The following RUNX1 variants were observed in gnomAD, a reference collection of about 807,000 sequenced individuals.
RUNX1 encodes runt-related transcription factor 1.
Under a neutral mutation model 42.8 loss-of-function variants are expected in RUNX1, and 19 were observed. That is an observed-to-expected ratio of 0.44 (90% CI 0.31 to 0.65). The LOEUF (loss-of-function observed/expected upper bound fraction) is 0.65, where lower values mean the gene tolerates loss of function less well. RUNX1 is among the 30% of genes least tolerant of loss of function. RUNX1 has a pLI of 0.07. For synonymous variants in RUNX1, 271 were observed against 289.4 expected, an observed-to-expected ratio of 0.94 and a Z score of 0.64; for missense variants, 528 against 672.0, an observed-to-expected ratio of 0.79 and a Z score of 2.37.
At chr21:35,014,117 C>T (rs1446453797) in intron 2 of RUNX1, among the ~76,000 whole-genome samples, 1 of 152,094 alleles carries the variant, frequency 6.6e-6, no homozygotes, top group Non-Finnish European at 1.5e-5. Flanking sequence ...TTTAAGGTTG[C>T]TCCAATGAAC....
chr21:34,988,497 C>T (rs2146818677), intron 2 of RUNX1, among the ~76,000 whole-genome samples: 1 of 152,302 alleles, frequency 6.6e-6, no homozygotes, highest in East Asian at 1.9e-4. Context: ...TCATCTAGTA[C>T]TTTCAAAAAC....
At position 35,004,107 on chromosome 21, in the gene RUNX1, C is replaced by G. The variant is rs545475481; in HGVS notation, c.58+44735G>C. 1.4e-4 allele frequency among the ~76,000 whole-genome samples: 21 copies of G among 152,320 alleles called. 1 individual carries two copies. The South Asian group carries it at 4.3e-3, about 32-fold the overall frequency. On this transcript the variant is annotated intron_variant, in intron 2 of 8. Coordinates refer to ENST00000675419, the MANE Select transcript of RUNX1 (RefSeq NM_001754.5). ...AAATAAAGGGATGAGAAAGCATTAG[C>G]TGTGTTCTAGACATGGTCCAGTCAA...
intron 2 of RUNX1, among the ~76,000 whole-genome samples, chr21:34,988,287 G>A (rs991764895): frequency 6.6e-6 from 1 of 152,162 alleles, no homozygotes; most frequent in Non-Finnish European, 1.5e-5. Context: ...CACAGCCGGG[G>A]GAAACATGGT....
At chr21:34,806,314 T>G (rs930802267) in intron 7 of RUNX1, among the ~76,000 whole-genome samples, 4 of 152,136 alleles carry the variant, frequency 2.6e-5, no homozygotes, top group Admixed American at 2.6e-4. Flanking sequence ...TAACACTGAT[T>G]GAAAGAAAGC....
chr21:34,800,212 C>T (rs949553305), intron 7 of RUNX1, among the ~76,000 whole-genome samples: 1 of 152,148 alleles, frequency 6.6e-6, no homozygotes, highest in Non-Finnish European at 1.5e-5. Context: ...AAAAGTCTGA[C>T]TTCAAAAGAT....
At chr21:35,026,245 C>G (rs1036149866) in intron 2 of RUNX1, among the ~76,000 whole-genome samples, 5 of 152,198 alleles carry the variant, frequency 3.3e-5, no homozygotes, top group Admixed American at 2.6e-4. Flanking sequence ...CTCGGGGGGT[C>G]AAATCTTTTG....
intron 7 of RUNX1, among the ~76,000 whole-genome samples, chr21:34,829,581 T>C (rs1218330808): frequency 6.6e-6 from 1 of 152,254 alleles, no homozygotes; most frequent in African/African-American, 2.4e-5. Context: ...AAGCTATTTT[T>C]AAATGAAATC....
chr21:34,870,726 G>A lies in RUNX1; in HGVS notation c.508+9831C>T, dbSNP rs1380248300. On this transcript the variant is annotated intron_variant, in intron 5 of 8. Transcript: ENST00000675419. ...TGTAATCCCAGCACTTTGGGAGGCC[G>A]AGGCAGGCAGATCACGAGGTCAAGA... Among the ~76,000 whole-genome samples the A allele has an allele frequency of 4.6e-5, 7 of 152,264 alleles. No homozygotes were observed. In the East Asian group the frequency reaches 7.7e-4, roughly 17 times the overall value.
intron 5 of RUNX1, among the ~76,000 whole-genome samples, chr21:34,880,136 ACT>A (rs1164586840): frequency 3.3e-5 from 5 of 152,168 alleles, no homozygotes; most frequent in African/African-American, 9.7e-5. Context: ...GTCATTCGAA[ACT>A]CTGTCACTTT....
chr21:34,791,057 T>C lies in RUNX1; in HGVS notation c.*1078A>G, dbSNP rs983432717. 7.3e-5 allele frequency: 17 copies of C among 233,584 alleles called. No individual in the cohort carries two copies. The highest frequency in any genetic ancestry group is 1.7e-5 in the Non-Finnish European group (2 of 118,050). 14.5% of individuals were successfully genotyped at this position (233,584 alleles called of 1,614,324 possible). ...TTAGATATGAGACCCTTGTTGAGCC[T>C]GGCAGAAAATTCCATACTTCTGATC... is the stretch of plus-strand genomic sequence containing the variant. On this transcript the variant is annotated 3_prime_UTR_variant, in exon 9 of 9. Coordinates refer to ENST00000675419, the MANE Select transcript of RUNX1 (RefSeq NM_001754.5).
chr21:35,049,019 CTCTT>C (rs986884610), intron 1 of RUNX1, 61 bp from the exon 2 acceptor site: 4 of 826,500 alleles, frequency 4.8e-6, no homozygotes, highest in Admixed American at 3.4e-5. Context: ...CCCTACATCT[CTCTT>C]TCTTCTCCCC....
chr21:34,998,939 C>G (rs938918872), intron 2 of RUNX1, among the ~76,000 whole-genome samples: 3 of 152,222 alleles, frequency 2.0e-5, no homozygotes, highest in Non-Finnish European at 4.4e-5. Context: ...AAAGCAAAAC[C>G]ATTCTCTTTG....
chr21:34,865,659 G>A (rs1026748499), intron 5 of RUNX1, among the ~76,000 whole-genome samples: 2 of 152,196 alleles, frequency 1.3e-5, no homozygotes, highest in Non-Finnish European at 2.9e-5. Flanking sequence ...TAGTCTTGAC[G>A]TTGGCGGCCC....
rs1456340235 is a variant in RUNX1 at position 34,792,493 on chromosome 21, G to A, written c.1085C>T (p.Ser362Leu). The change falls in exon 9 of 9, where the codon TCG becomes TTG. Residue 362 changes from serine to leucine, a missense_variant. Physicochemically the swap from Ser to Leu is moderately radical, Grantham distance 145. This residue lies in a region of RUNX1 where 331 missense variants were observed against 382.5 expected (regional missense o/e 0.87). Transcript: ENST00000675419. The surrounding 1 kb of genome is among the most constrained non-coding windows in gnomAD (Gnocchi z 6.9). ...AFTYSPTPVTSGIGIGMSAMG... is the reference protein window; with the variant it reads ...AFTYSPTPVTLGIGIGMSAMG... ...GGCCGACATGCCGATGCCGATGCCC[G>A]AGGTGACCGGCGTCGGGGAGTAGGT... The A allele has an allele frequency of 6.3e-7, 1 of 1,595,724 alleles. No homozygotes were observed. The highest frequency in any genetic ancestry group is 8.5e-7 in the Non-Finnish European group (1 of 1,171,154).
intron 2 of RUNX1, among the ~76,000 whole-genome samples, chr21:35,041,035 G>T (rs2059355331): frequency 6.6e-6 from 1 of 152,172 alleles, no homozygotes; most frequent in Non-Finnish European, 1.5e-5. Flanking sequence ...AAGGAGAGGA[G>T]ATGACAGAGG....
intron 7 of RUNX1, among the ~76,000 whole-genome samples, chr21:34,830,306 C>G (rs1044148654): frequency 2.6e-5 from 4 of 152,096 alleles, no homozygotes; most frequent in African/African-American, 7.2e-5. Context: ...TCATATACCC[C>G]CTCTTTCACT....
intron 2 of RUNX1, among the ~76,000 whole-genome samples, chr21:34,957,455 C>T (rs926231028): frequency 3.9e-5 from 6 of 152,048 alleles, no homozygotes; most frequent in African/African-American, 1.2e-4. Flanking sequence ...ACGAGGTGGC[C>T]CCCTGAGAGA....
chr21:34,956,120 T>C (rs1471295076), intron 2 of RUNX1, among the ~76,000 whole-genome samples: 1 of 152,120 alleles, frequency 6.6e-6, no homozygotes, highest in South Asian at 2.1e-4. Flanking sequence ...AAGGGAGAGA[T>C]GGTGGAGATG....
chr21:34,886,848 A>C lies in RUNX1; in HGVS notation c.346T>G (p.Phe116Val). 1.2e-6 allele frequency: 2 copies of C among 1,613,324 alleles called. No individual in the cohort carries two copies. Among genetic ancestry groups the C allele is most frequent in the Non-Finnish European group, 1.7e-6 (2 of 1,179,754 alleles). ...CACCCTCTCCGGGCCAGTACCTTGA[A>C]AGCGATGGGCAGGGTCTTGTTGCAG... Reference protein sequence around the residue: ...WRCNKTLPIAFKVVALGDVPD... With the variant: ...WRCNKTLPIAVKVVALGDVPD... Residue 116 changes from phenylalanine (F) to valine (V), a missense_variant, in exon 4 of 9, where the codon TTC becomes GTC. Around this residue, in one of 3 missense-constraint regions of RUNX1, gnomAD observed 83 missense variants for 174.5 expected, o/e 0.48. Coordinates refer to ENST00000675419, the MANE Select transcript of RUNX1 (RefSeq NM_001754.5).
Sources: gnomAD v4.1 joint callset for allele counts (sites outside exome capture counted in the v4.1 genomes callset) on GRCh38, gnomAD v4.1.1 for gene constraint, gnomAD v4.1.1 regional missense constraint, Gnocchi (gnomAD v3.1) non-coding constraint, MANE v1.5 for transcripts, NCBI Gene and HGNC (gene_info 2026-07-23, HGNC 2026-07-21) for gene names.